The following UTRN variants were observed in gnomAD, a reference collection of about 807,000 sequenced individuals.
The protein encoded by UTRN is dystrophin-related protein 1.
Under a neutral mutation model 463.9 loss-of-function variants are expected in UTRN, and 283 were observed. That is an observed-to-expected ratio of 0.61 (90% confidence interval 0.55 to 0.67). The LOEUF (loss-of-function observed/expected upper bound fraction) is 0.67, where lower values mean the gene tolerates loss of function less well. Ranked by LOEUF, UTRN falls within the 30% of genes least tolerant of loss-of-function variation. The probability of loss-of-function intolerance (pLI) is 0.00; values close to 1 mark genes in which losing one functional copy is unlikely to be tolerated. For missense variants in UTRN, 3,922 were observed against 4,084.3 expected (o/e 0.96, Z 1.08); for synonymous variants, 1,442 against 1,431.5 (o/e 1.01, Z -0.17).
intron 51 of UTRN, among the ~76,000 whole-genome samples, chr6:144,607,241 T>C (rs1804952543): frequency 6.6e-6 from 1 of 152,314 alleles, no homozygotes; most frequent in African/African-American, 2.4e-5. Flanking sequence ...ACAAACTGGA[T>C]CTCTGTTGAA....
chr6:144,466,529 G>T (rs115349369), intron 23 of UTRN, among the ~76,000 whole-genome samples: 5 of 152,038 alleles, frequency 3.3e-5, no homozygotes, highest in Non-Finnish European at 7.4e-5. Flanking sequence ...CTGTACTTAC[G>T]AGGTAAAATA....
At chr6:144,766,276 T>C (rs1279167825) in intron 58 of UTRN, among the ~76,000 whole-genome samples, 1 of 151,884 alleles carries the variant, frequency 6.6e-6, no homozygotes, top group Non-Finnish European at 1.5e-5. Context: ...ACCTCTCAGA[T>C]CTTTAAGAAG....
At chr6:144,708,578 G>T in intron 53 of UTRN, 1 of 269,450 alleles carries the variant, frequency 3.7e-6, no homozygotes, top group East Asian at 8.6e-5. Flanking sequence ...GAGATCCTCT[G>T]CTTATCCTTA....
rs1792346636 is a variant in UTRN at position 144,485,498 on chromosome 6, T to C, written c.3801T>C (p.Asp1267=). Residue 1267 remains aspartate (D), a synonymous_variant, in exon 28 of 75, where the codon GAT becomes GAC. Transcript: ENST00000367545. ...KSTEVLPEKT[D]AVNEALESLE... is the part of the protein sequence containing the mutation. The stretch of plus-strand genomic sequence containing the variant: ...CAGAGGTCCTGCCTGAGAAGACGGA[T>C]GCTGTCAACGAAGCCCTGGAGGTTG... 4.3e-6 allele frequency: 7 copies of C among 1,614,146 alleles called. No individual in the cohort carries two copies. The highest frequency in any genetic ancestry group is 5.9e-6 in the Non-Finnish European group (7 of 1,180,004).
chr6:144,783,181 G>A (rs548660761), intron 61 of UTRN, among the ~76,000 whole-genome samples: 1 of 148,378 alleles, frequency 6.7e-6, no homozygotes, highest in Admixed American at 6.7e-5. Flanking sequence ...GGGTGACAGT[G>A]CAAGACTCTG....
rs565156234 is a variant in UTRN at position 144,682,046 on chromosome 6, A to G, written c.7652+3468A>G. Reference sequence around the variant, plus strand: ...TACAACTAAGTTATTATTGACTATAATCACCCTTGTTTTGCTATCAAATAC... The same window carrying G: ...TACAACTAAGTTATTATTGACTATAGTCACCCTTGTTTTGCTATCAAATAC... On this transcript the variant is annotated intron_variant, in intron 52 of 74. Coordinates refer to ENST00000367545, the MANE Select transcript of UTRN (RefSeq NM_007124.3). Among the ~76,000 whole-genome samples, 19 of 152,194 alleles carry G rather than the reference A, an allele frequency of 1.2e-4. No individual in the cohort carries two copies. In the East Asian group the frequency reaches 3.7e-3, roughly 29 times the overall value.
chr6:144,620,095 A>G (rs1426540078), intron 51 of UTRN, among the ~76,000 whole-genome samples: 2 of 152,170 alleles, frequency 1.3e-5, no homozygotes, highest in African/African-American at 4.8e-5. Flanking sequence ...CTCTTGCATC[A>G]CTTTAGATGC....
At chr6:144,499,133 G>T in intron 33 of UTRN, 124 bp from the exon 34 acceptor site, 1 of 1,031,558 alleles carries the variant, frequency 9.7e-7, no homozygotes, top group Non-Finnish European at 1.4e-6. Flanking sequence ...CTAAGACAAA[G>T]GTTATGTATG....
intron 51 of UTRN, among the ~76,000 whole-genome samples, chr6:144,637,596 T>C (rs1388878971): frequency 1.3e-5 from 2 of 151,948 alleles, no homozygotes; most frequent in African/African-American, 4.8e-5. Context: ...TCCAGAAAAT[T>C]TTATGTATTT....
intron 58 of UTRN, among the ~76,000 whole-genome samples, chr6:144,766,027 A>G (rs1793290526): frequency 6.6e-6 from 1 of 152,036 alleles, no homozygotes; most frequent in African/African-American, 2.4e-5. Context: ...AGGAAGTTGA[A>G]TATAACCTGA....
chr6:144,461,206 G>A lies in UTRN; in HGVS notation c.2717G>A (p.Gly906Asp), dbSNP rs1789370260. 2 of 1,579,210 alleles carry A rather than the reference G, an allele frequency of 1.3e-6. No homozygotes were observed. The highest frequency in any genetic ancestry group is 8.6e-7 in the Non-Finnish European group (1 of 1,163,846). ...RQQHLENELK[G>D]QPGHAYLETL... ...ATTTTTAAATAAACAGAACTGAAGG[G>A]CCAACCTGGACATGCATATCTGGAA... The change falls in exon 22 of 75, where the codon GGC (glycine) becomes GAC (aspartate). Residue 906 changes from glycine (G) to aspartate (D), a missense_variant. Gly to Asp is a moderately conservative substitution (Grantham distance 94). This residue lies in a region of UTRN where 2,349 missense variants were observed against 2,303.8 expected (regional missense o/e 1.02). Transcript: ENST00000367545.
chr6:144,508,015 C>G (rs1372409781), intron 34 of UTRN, among the ~76,000 whole-genome samples: 4 of 152,138 alleles, frequency 2.6e-5, no homozygotes, highest in Non-Finnish European at 5.9e-5. Context: ...GTTTGAACTT[C>G]CTGGAGGCTT....
chr6:144,789,807 A>G (rs1776606319), intron 62 of UTRN, among the ~76,000 whole-genome samples: 1 of 152,226 alleles, frequency 6.6e-6, no homozygotes, highest in Non-Finnish European at 1.5e-5. Flanking sequence ...CAGCTGTGAC[A>G]AAATAAAACA....
Position 144,851,089 on chromosome 6 carries a change from A to C in UTRN, c.*92A>C. On this transcript the variant is annotated 3_prime_UTR_variant, in exon 75 of 75. Transcript: ENST00000367545. ...CAAGTTCCATTAAATCAGAAGCTCC[A>C]TGGCTCCTTGGCCCACGATGTTGAG... 79 of 1,555,134 alleles carry C rather than the reference A, an allele frequency of 5.1e-5. No individual in the cohort carries two copies. Among genetic ancestry groups the C allele is most frequent in the Non-Finnish European group, 6.3e-5 (71 of 1,126,618 alleles).
At chr6:144,761,874 T>C (rs757288428) in intron 58 of UTRN, among the ~76,000 whole-genome samples, 24 of 152,160 alleles carry the variant, frequency 1.6e-4, no homozygotes, top group Non-Finnish European at 3.2e-4. Flanking sequence ...TCGGTTGAAC[T>C]TTCTTAATGC....
intron 61 of UTRN, among the ~76,000 whole-genome samples, chr6:144,784,164 A>G (rs1276789610): frequency 1.3e-5 from 2 of 152,228 alleles, no homozygotes; most frequent in African/African-American, 4.8e-5. Context: ...TGGTAGAGGT[A>G]TACATCTTGA....
At chr6:144,502,456 G>C (rs1794290566) in intron 34 of UTRN, among the ~76,000 whole-genome samples, 1 of 151,702 alleles carries the variant, frequency 6.6e-6, no homozygotes, top group African/African-American at 2.4e-5. Context: ...TACCCTCCCT[G>C]TGTCCATGTG....
intron 51 of UTRN, among the ~76,000 whole-genome samples, chr6:144,586,715 A>G (rs1237428891): frequency 4.6e-5 from 7 of 152,140 alleles, no homozygotes; most frequent in African/African-American, 1.4e-4. Context: ...AATTTCTGTA[A>G]AATATTTAGC....
At chr6:144,622,206 G>A (rs1216104266) in intron 51 of UTRN, among the ~76,000 whole-genome samples, 1 of 7,770 alleles carries the variant, frequency 1.3e-4, no homozygotes, top group Non-Finnish European at 2.8e-4. Flanking sequence ...TTTTTTTTTT[G>A]GAGACGGAGT....
Sources: allele counts gnomAD v4.1 joint callset (sites outside exome capture counted in the v4.1 genomes callset), GRCh38; gene constraint gnomAD v4.1.1; regional missense constraint gnomAD v4.1.1; transcripts MANE v1.5; gene names NCBI Gene and HGNC (gene_info 2026-07-23, HGNC 2026-07-21).